ARHGEF28: variants seen among roughly 807,000 people sequenced by gnomAD.
ARHGEF28 encodes the protein Rho guanine nucleotide exchange factor 28, also known as 190 kDa guanine nucleotide exchange factor.
In ARHGEF28, 152 loss-of-function variants were observed where a neutral mutation model predicts 206.6. The ratio of observed to expected loss-of-function variants is 0.74; its 90% confidence interval spans 0.64 to 0.84. ARHGEF28 has a LOEUF of 0.84. Ranked by LOEUF, ARHGEF28 falls within the 40% of genes least tolerant of loss-of-function variation. The probability of loss-of-function intolerance (pLI) is 0.00; values close to 1 mark genes in which losing one functional copy is unlikely to be tolerated. For synonymous variants in ARHGEF28, 763 were observed against 776.4 expected (o/e 0.98, Z 0.29); for missense variants, 2,028 against 2,073.2 (o/e 0.98, Z 0.42).
intron 16 of ARHGEF28, among the ~76,000 whole-genome samples, chr5:73,862,803 C>T (rs1454189585): frequency 6.6e-6 from 1 of 151,578 alleles, no homozygotes; most frequent in African/African-American, 2.4e-5. Context: ...TCTCTACCTA[C>T]AGTTTTTTAG....
chr5:73,677,933 G>T (rs1302105508), intron 1 of ARHGEF28, among the ~76,000 whole-genome samples: 3 of 152,256 alleles, frequency 2.0e-5, no homozygotes, highest in African/African-American at 7.2e-5. Context: ...ATGAAATATA[G>T]AGGGTGGCAT....
intron 22 of ARHGEF28, among the ~76,000 whole-genome samples, chr5:73,875,168 A>G (rs1292133153): frequency 6.6e-6 from 1 of 151,832 alleles, no homozygotes; most frequent in East Asian, 1.9e-4. Flanking sequence ...TCTGATGGCC[A>G]GTGATGATGA....
At chr5:73,939,524 C>G (rs1742456823) in intron 35 of ARHGEF28, among the ~76,000 whole-genome samples, 1 of 152,194 alleles carries the variant, frequency 6.6e-6, no homozygotes, top group South Asian at 2.1e-4. Flanking sequence ...GAGGGTCCTC[C>G]TTTGCTTCAG....
At chr5:73,936,587 T>A (rs980189652) in intron 35 of ARHGEF28, among the ~76,000 whole-genome samples, 5 of 152,214 alleles carry the variant, frequency 3.3e-5, no homozygotes. Flanking sequence ...TAAGAGGCCT[T>A]AATGATGATT....
At chr5:73,752,412 G>A (rs1752063194) in intron 3 of ARHGEF28, among the ~76,000 whole-genome samples, 1 of 152,028 alleles carries the variant, frequency 6.6e-6, no homozygotes. Flanking sequence ...TTTTCTCTTG[G>A]GTAGTCTTCA....
chr5:73,841,358 G>A (rs1242463473), intron 11 of ARHGEF28, among the ~76,000 whole-genome samples: 2 of 152,088 alleles, frequency 1.3e-5, no homozygotes, highest in Non-Finnish European at 2.9e-5. Context: ...TTTATAGAAT[G>A]CAAATTAAAA....
chr5:73,774,128 A>G, intron 5 of ARHGEF28, 90 bp downstream of exon 5: 1 of 1,199,570 alleles, frequency 8.3e-7, no homozygotes, highest in Non-Finnish European at 1.1e-6. Flanking sequence ...CCACAAGCTA[A>G]TGTTGGTTTA....
intron 1 of ARHGEF28, among the ~76,000 whole-genome samples, chr5:73,656,171 C>T (rs1745185973): frequency 6.6e-6 from 1 of 152,178 alleles, no homozygotes; most frequent in Non-Finnish European, 1.5e-5. Flanking sequence ...AGAATGGTCT[C>T]TAATCTTCCT....
intron 34 of ARHGEF28, among the ~76,000 whole-genome samples, chr5:73,910,942 C>T (rs1267346061): frequency 6.6e-6 from 1 of 152,156 alleles, no homozygotes; most frequent in African/African-American, 2.4e-5. Context: ...TTGCAAACTC[C>T]TCATGTATAT....
chr5:73,898,703 A>G (rs1247413092), intron 30 of ARHGEF28: 1 of 152,202 alleles, frequency 6.6e-6, no homozygotes, highest in Non-Finnish European at 1.5e-5. Flanking sequence ...CATTGTTTCA[A>G]AACATTTTAA....
chr5:73,850,696 A>C (rs1758644140), intron 13 of ARHGEF28, among the ~76,000 whole-genome samples: 1 of 152,168 alleles, frequency 6.6e-6, no homozygotes, highest in Non-Finnish European at 1.5e-5. Flanking sequence ...TATTGTTCAC[A>C]AGGGAAAATA....
chr5:73,641,394 AG>A (rs1330794548), intron 1 of ARHGEF28, among the ~76,000 whole-genome samples: 1 of 142,166 alleles, frequency 7.0e-6, no homozygotes, highest in Non-Finnish European at 1.5e-5. Context: ...AAATAATGGC[AG>A]GGGAAAGGCT....
chr5:73,671,721 TATATATATATATATATA>T (rs1243879193), intron 1 of ARHGEF28, among the ~76,000 whole-genome samples: 4 of 10,710 alleles, frequency 3.7e-4, no homozygotes, highest in African/African-American at 4.8e-4. Flanking sequence ...TATATATATA[TATATATATATATATATA>T]TTTTTTTTTT....
chr5:73,821,698 C>T (rs62357747), intron 9 of ARHGEF28, among the ~76,000 whole-genome samples: 19,578 of 151,852 alleles, frequency 0.13, 1,340 homozygotes, highest in African/African-American at 0.16. Flanking sequence ...TCTCGGTTTG[C>T]CAATTTTTCC....
chr5:73,824,203 C>A (rs1482781988), intron 9 of ARHGEF28, among the ~76,000 whole-genome samples: 1 of 152,176 alleles, frequency 6.6e-6, no homozygotes, highest in Non-Finnish European at 1.5e-5. Flanking sequence ...AAGGATTAAA[C>A]AGTAATACTC....
chr5:73,760,239 C>T (rs1442317117), intron 4 of ARHGEF28, among the ~76,000 whole-genome samples: 2 of 151,874 alleles, frequency 1.3e-5, no homozygotes, highest in African/African-American at 4.8e-5. Context: ...AGCTGAAACA[C>T]CAGTGGGTAG....
At chr5:73,764,601 C>T (rs1752795217) in intron 4 of ARHGEF28, among the ~76,000 whole-genome samples, 2 of 152,062 alleles carry the variant, frequency 1.3e-5, no homozygotes, top group South Asian at 2.1e-4. Context: ...ATGAGTGTCT[C>T]GACTGTGCTG....
chr5:73,849,800 G>A (rs932793371), intron 13 of ARHGEF28, among the ~76,000 whole-genome samples: 14 of 152,020 alleles, frequency 9.2e-5, no homozygotes, highest in Admixed American at 7.2e-4. Flanking sequence ...ATTTTGAAAT[G>A]TAATTATTTC....
chr5:73,802,828 AATT>A (rs1423574368), intron 9 of ARHGEF28, among the ~76,000 whole-genome samples: 8 of 151,784 alleles, frequency 5.3e-5, no homozygotes, highest in African/African-American at 1.9e-4. Context: ...CAAAAAAAAA[AATT>A]ACATTTACAA....
Sources: gnomAD v4.1 joint callset for allele counts (sites outside exome capture counted in the v4.1 genomes callset) on GRCh38, gnomAD v4.1.1 for gene constraint, MANE v1.5 for transcripts, NCBI Gene and HGNC (gene_info 2026-07-23, HGNC 2026-07-21) for gene names.